The following FILIP1L variants were observed in gnomAD, a reference collection of about 807,000 sequenced individuals.
FILIP1L encodes the protein filamin A interacting protein 1 like.
In FILIP1L, 55 loss-of-function variants were observed where a neutral mutation model predicts 96.6. The ratio of observed to expected loss-of-function variants is 0.57; its 90% confidence interval spans 0.46 to 0.71. The LOEUF is 0.71. Among genes scored for constraint, FILIP1L ranks in the 30% least tolerant of loss-of-function variants. The pLI is 0.00. For missense variants in FILIP1L, 1,304 were observed against 1,321.2 expected (o/e 0.99, Z 0.20); for synonymous variants, 467 against 473.9 (o/e 0.99, Z 0.19).
intron 1 of FILIP1L, among the ~76,000 whole-genome samples, chr3:99,983,479 T>C (rs1482282201): frequency 1.7e-4 from 3 of 17,260 alleles, no homozygotes; most frequent in Admixed American, 6.0e-4. Context: ...TATATATATA[T>C]ATATATATAT....
intron 1 of FILIP1L, among the ~76,000 whole-genome samples, chr3:99,992,046 CTCTT>C (rs375885903): frequency 1.1e-3 from 169 of 150,648 alleles, no homozygotes; most frequent in African/African-American, 3.8e-3. Context: ...ATATATACCA[CTCTT>C]TCTTTATATA....
chr3:99,853,766 C>T (rs1321237826), intron 4 of FILIP1L, among the ~76,000 whole-genome samples: 1 of 152,194 alleles, frequency 6.6e-6, no homozygotes, highest in Non-Finnish European at 1.5e-5. Context: ...CAATAACCTG[C>T]TATTTTCTTG....
intron 1 of FILIP1L, among the ~76,000 whole-genome samples, chr3:100,003,499 TCAAAA>T (rs1194868641): frequency 6.6e-6 from 1 of 152,224 alleles, no homozygotes; most frequent in Admixed American, 6.5e-5. Context: ...CTTTTGAATC[TCAAAA>T]CAACCCTGTG....
At chr3:99,959,503 G>T (rs1294210628) in intron 1 of FILIP1L, among the ~76,000 whole-genome samples, 3 of 152,080 alleles carry the variant, frequency 2.0e-5, no homozygotes, top group African/African-American at 7.2e-5. Flanking sequence ...AAAAAGAAGA[G>T]GAATTAAGTC....
intron 1 of FILIP1L, among the ~76,000 whole-genome samples, chr3:99,976,606 A>G (rs143141625): frequency 1.5e-3 from 232 of 152,308 alleles, no homozygotes; most frequent in African/African-American, 5.1e-3. Context: ...GAAGTTTGCC[A>G]TAATTTTTAT....
chr3:99,909,925 A>T (rs1353019706), intron 4 of FILIP1L, among the ~76,000 whole-genome samples: 1 of 148,910 alleles, frequency 6.7e-6, no homozygotes, highest in Non-Finnish European at 1.5e-5. Flanking sequence ...ATCATTGTCA[A>T]CAAGAGCTGT....
At chr3:99,985,925 A>G (rs1405079296) in intron 1 of FILIP1L, among the ~76,000 whole-genome samples, 1 of 150,750 alleles carries the variant, frequency 6.6e-6, no homozygotes, top group Non-Finnish European at 1.5e-5. Context: ...GGATATATTC[A>G]TAAAACACAT....
At position 99,884,714 on chromosome 3, in the gene FILIP1L, G is replaced by A. The variant is rs533429751; in HGVS notation, c.606-33644C>T. Reference sequence around the variant, plus strand: ...GAAGAAAGAGATAACAATCATGTGCGAACTACTCCCAGCTATTGCCTATTG... The same window carrying A: ...GAAGAAAGAGATAACAATCATGTGCAAACTACTCCCAGCTATTGCCTATTG... On this transcript the variant is annotated intron_variant, in intron 4 of 5. Transcript: ENST00000477258. Among the ~76,000 whole-genome samples the A allele has an allele frequency of 5.3e-5, 8 of 152,288 alleles. No individual in the cohort carries two copies. The East Asian group carries it at 9.6e-4, about 18-fold the overall frequency.
intron 1 of FILIP1L, among the ~76,000 whole-genome samples, chr3:100,038,328 T>C (rs1329798191): frequency 6.6e-6 from 1 of 152,172 alleles, no homozygotes; most frequent in Non-Finnish European, 1.5e-5. Context: ...GAGTCTATTA[T>C]TTTGAGCCCA....
chr3:99,887,035 G>T (rs1705923859), intron 4 of FILIP1L, among the ~76,000 whole-genome samples: 1 of 151,742 alleles, frequency 6.6e-6, no homozygotes, highest in Non-Finnish European at 1.5e-5. Flanking sequence ...ACTTTGAGAG[G>T]CTGAGGTGGG....
chr3:99,833,476 G>A (rs1942771070), intron 5 of FILIP1L, among the ~76,000 whole-genome samples: 1 of 152,172 alleles, frequency 6.6e-6, no homozygotes, highest in South Asian at 2.1e-4. Flanking sequence ...CAGTTCTATA[G>A]CCCAATTTCT....
intron 1 of FILIP1L, among the ~76,000 whole-genome samples, chr3:100,051,476 A>T (rs965182131): frequency 2.7e-5 from 4 of 150,920 alleles, no homozygotes; most frequent in African/African-American, 9.7e-5. Context: ...ATTTAACATT[A>T]GGTATATCTC....
intron 1 of FILIP1L, among the ~76,000 whole-genome samples, chr3:99,935,220 GA>G (rs1332896651): frequency 6.9e-6 from 1 of 145,214 alleles, no homozygotes. Context: ...CTAGGGTAAA[GA>G]AAAATTTTGT....
chr3:99,983,233 A>G (rs1471501077), intron 1 of FILIP1L, among the ~76,000 whole-genome samples: 1 of 151,406 alleles, frequency 6.6e-6, no homozygotes, highest in African/African-American at 2.4e-5. Flanking sequence ...TAGCACTGAT[A>G]TAAAGAAATG....
chr3:100,006,981 C>G (rs1710007209), intron 1 of FILIP1L, among the ~76,000 whole-genome samples: 1 of 152,180 alleles, frequency 6.6e-6, no homozygotes, highest in African/African-American at 2.4e-5. Context: ...TTGTCCAAAA[C>G]TTGAGCATAT....
At chr3:99,983,716 A>G (rs2107738037) in intron 1 of FILIP1L, among the ~76,000 whole-genome samples, 1 of 150,298 alleles carries the variant, frequency 6.7e-6, no homozygotes. Flanking sequence ...AATGAGAAGT[A>G]CCACATTATT....
chr3:100,051,844 T>C (rs1466414369), intron 1 of FILIP1L, among the ~76,000 whole-genome samples: 1 of 149,006 alleles, frequency 6.7e-6, no homozygotes, highest in Non-Finnish European at 1.5e-5. Context: ...TTATTATATA[T>C]ATTTTTTATA....
At chr3:99,891,451 C>T (rs1405871246) in intron 4 of FILIP1L, among the ~76,000 whole-genome samples, 2 of 152,174 alleles carry the variant, frequency 1.3e-5, no homozygotes, top group Non-Finnish European at 2.9e-5. Context: ...TCTAGGTTTT[C>T]ACTTTTATTC....
chr3:99,938,762 G>C (rs1707769492), intron 1 of FILIP1L, among the ~76,000 whole-genome samples: 1 of 152,088 alleles, frequency 6.6e-6, no homozygotes, highest in Non-Finnish European at 1.5e-5. Context: ...CTCAGTTGCA[G>C]AACAGCCAGG....
Sources: allele counts gnomAD v4.1 joint callset (sites outside exome capture counted in the v4.1 genomes callset), GRCh38; gene constraint gnomAD v4.1.1; transcripts MANE v1.5; gene names NCBI Gene and HGNC (gene_info 2026-07-23, HGNC 2026-07-21).